The following PRELID2 variants were observed in gnomAD, a reference collection of about 807,000 sequenced individuals.
PRELID2 encodes PRELI domain-containing protein 2.
Under a neutral mutation model 28.4 loss-of-function variants are expected in PRELID2, and 25 were observed. That is an observed-to-expected ratio of 0.88 (90% CI 0.64 to 1.23). The LOEUF is 1.23. Ranked by LOEUF, PRELID2 falls within the 50% of genes most tolerant of loss-of-function variation. The probability of loss-of-function intolerance (pLI) is 0.00; values close to 1 mark genes in which losing one functional copy is unlikely to be tolerated. For missense variants in PRELID2, 201 were observed against 214.4 expected, an observed-to-expected ratio of 0.94 and a Z score of 0.39; for synonymous variants, 76 against 71.6, an observed-to-expected ratio of 1.06 and a Z score of -0.31.
intron 5 of PRELID2, among the ~76,000 whole-genome samples, chr5:145,792,698 G>A (rs963251271): frequency 2.0e-5 from 3 of 152,006 alleles, no homozygotes; most frequent in African/African-American, 7.2e-5. Context: ...TGTCTAGACT[G>A]TATGTGTTTA....
At chr5:145,374,844 T>C in the PRELID2 span, among the ~76,000 whole-genome samples, 1 of 152,176 alleles carries the variant, frequency 6.6e-6, no homozygotes, top group Non-Finnish European at 1.5e-5. Context: ...GTCATTTATG[T>C]TCCTACTTAA....
chr5:145,614,181 C>G (rs1753662365), intron 1 of PRELID2, among the ~76,000 whole-genome samples: 1 of 152,182 alleles, frequency 6.6e-6, no homozygotes, highest in Non-Finnish European at 1.5e-5. Context: ...GGTCTTTGTG[C>G]CTGTTTTTGT....
chr5:145,700,119 C>T (rs998844285), intron 1 of PRELID2, among the ~76,000 whole-genome samples: 4 of 152,140 alleles, frequency 2.6e-5, no homozygotes, highest in Non-Finnish European at 5.9e-5. Context: ...GTAACCTCTG[C>T]AAGCCTAACA....
the PRELID2 span, among the ~76,000 whole-genome samples, chr5:145,343,415 C>T: frequency 6.6e-6 from 1 of 151,362 alleles, no homozygotes; most frequent in African/African-American, 2.4e-5. Context: ...CAACATGCTC[C>T]TCAATAACCA....
chr5:145,270,115 C>T, the PRELID2 span, among the ~76,000 whole-genome samples: 30 of 151,812 alleles, frequency 2.0e-4, no homozygotes, highest in Non-Finnish European at 1.3e-4. Flanking sequence ...GGAGCAACCA[C>T]ATCTGTCATA....
chr5:145,245,394 C>T, the PRELID2 span, among the ~76,000 whole-genome samples: 18 of 150,678 alleles, frequency 1.2e-4, no homozygotes, highest in South Asian at 2.9e-3. Context: ...AGAAAGTGAG[C>T]GGGTAGAAAA....
At chr5:145,377,844 C>T in the PRELID2 span, among the ~76,000 whole-genome samples, 44 of 152,016 alleles carry the variant, frequency 2.9e-4, no homozygotes, top group African/African-American at 1.0e-3. Context: ...AAATTTAGCC[C>T]ATTTACATTC....
intron 1 of PRELID2, among the ~76,000 whole-genome samples, chr5:145,485,359 G>A (rs1249375584): frequency 4.6e-5 from 7 of 152,144 alleles, no homozygotes; most frequent in African/African-American, 1.4e-4. Context: ...TTTAAAGTGA[G>A]GTAAGTACTT....
chr5:145,446,799 C>T, the PRELID2 span, among the ~76,000 whole-genome samples: 4 of 152,084 alleles, frequency 2.6e-5, no homozygotes, highest in African/African-American at 9.7e-5. Flanking sequence ...GTAATATCAG[C>T]ACTTTGGGAG....
chr5:145,553,050 T>C (rs947212474), intron 1 of PRELID2, among the ~76,000 whole-genome samples: 1 of 152,142 alleles, frequency 6.6e-6, no homozygotes, highest in Admixed American at 6.5e-5. Flanking sequence ...TACTGGACAA[T>C]GGGGACTTAA....
At chr5:145,255,357 A>T in the PRELID2 span, among the ~76,000 whole-genome samples, 3 of 152,126 alleles carry the variant, frequency 2.0e-5, no homozygotes, top group African/African-American at 7.2e-5. Context: ...ACTATAGTAA[A>T]AAGAAATAAA....
chr5:145,585,088 T>C (rs1580985021), intron 1 of PRELID2, among the ~76,000 whole-genome samples: 1 of 152,256 alleles, frequency 6.6e-6, no homozygotes, highest in African/African-American at 2.4e-5. Flanking sequence ...ATATACACAA[T>C]GGGATACTAT....
At chr5:145,297,154 C>G in the PRELID2 span, among the ~76,000 whole-genome samples, 1 of 152,002 alleles carries the variant, frequency 6.6e-6, no homozygotes, top group Admixed American at 6.6e-5. Flanking sequence ...CCTGTTCACT[C>G]TGATGGTAGT....
chr5:145,673,374 A>G (rs1419766962), intron 1 of PRELID2, among the ~76,000 whole-genome samples: 1 of 152,180 alleles, frequency 6.6e-6, no homozygotes. Context: ...TGGAAGTATC[A>G]GGCACTATTC....
chr5:145,571,164 G>A (rs1029577564), intron 1 of PRELID2, among the ~76,000 whole-genome samples: 1 of 152,152 alleles, frequency 6.6e-6, no homozygotes, highest in Admixed American at 6.5e-5. Flanking sequence ...TCAAATTTCA[G>A]TTCTACCACC....
chr5:145,246,003 C>G, the PRELID2 span, among the ~76,000 whole-genome samples: 144 of 152,132 alleles, frequency 9.5e-4, no homozygotes, highest in African/African-American at 3.3e-3. Flanking sequence ...CCCAAATTGT[C>G]TTAATTTGGG....
intron 1 of PRELID2, among the ~76,000 whole-genome samples, chr5:145,481,623 C>CAAAAAAAAAAAAAAAAAAAAAAAAAAAGA (rs1752160740): frequency 4.8e-5 from 2 of 41,862 alleles, no homozygotes; most frequent in African/African-American, 2.4e-4. Flanking sequence ...GCAAGGAAAT[C>CAAAAAAAAAAAAAAAAAAAAAAAAAAAGA]AAAAAAAAAA....
intron 1 of PRELID2, among the ~76,000 whole-genome samples, chr5:145,748,913 G>A (rs1323314090): frequency 1.3e-5 from 2 of 152,090 alleles, no homozygotes; most frequent in Admixed American, 1.3e-4. Flanking sequence ...AGGAAAACTG[G>A]CTAGCCATAT....
At chr5:145,555,221 G>A (rs1461616552) in intron 1 of PRELID2, among the ~76,000 whole-genome samples, 2 of 152,144 alleles carry the variant, frequency 1.3e-5, no homozygotes, top group African/African-American at 2.4e-5. Context: ...TCAAATTTAG[G>A]TTAGGTCCCT....
Sources: gnomAD v4.1 joint callset for allele counts (sites outside exome capture counted in the v4.1 genomes callset) on GRCh38, gnomAD v4.1.1 for gene constraint, MANE v1.5 for transcripts, NCBI Gene and HGNC (gene_info 2026-07-23, HGNC 2026-07-21) for gene names.